Variants in CUEDC1 observed in about 807,000 individuals in gnomAD.
The protein encoded by CUEDC1 is CUE domain-containing protein 1.
Under a neutral mutation model 43.7 loss-of-function variants are expected in CUEDC1, and 30 were observed. The observed-to-expected ratio is 0.69, with a 90% CI of 0.51 to 0.93. The LOEUF (loss-of-function observed/expected upper bound fraction) is 0.93, where lower values mean the gene tolerates loss of function less well. Among genes scored for constraint, CUEDC1 ranks in the 40% least tolerant of loss-of-function variants. The pLI is 0.00. For missense variants in CUEDC1, 486 were observed against 549.0 expected (o/e 0.89, Z 1.15); for synonymous variants, 223 against 223.6 (o/e 1.00, Z 0.02).
Position 57,930,272 on chromosome 17 carries a change from G to T in CUEDC1, c.-316+24953C>A, listed in dbSNP as rs1402948216. ...TAGCAAGTCTCCAACTGCACAAGCAGACCAGAGCCAACGAGGCTGATGCTG... is the reference window on the plus strand; with the variant it reads ...TAGCAAGTCTCCAACTGCACAAGCATACCAGAGCCAACGAGGCTGATGCTG... On this transcript the variant is annotated intron_variant, in intron 1 of 10. Coordinates refer to ENST00000577830, the MANE Select transcript of CUEDC1 (RefSeq NM_001271875.2). This position sits in a 1 kb window ranked among gnomAD's most constrained non-coding sequence, Gnocchi z 4.2. 6.6e-6 allele frequency among the ~76,000 whole-genome samples: 1 copy of T among 152,198 alleles called. No homozygotes were observed. Among genetic ancestry groups the T allele is most frequent in the African/African-American group, 2.4e-5 (1 of 41,450 alleles).
At chr17:57,917,594 A>G (rs551760681) in intron 1 of CUEDC1, among the ~76,000 whole-genome samples, 37 of 152,356 alleles carry the variant, frequency 2.4e-4, no homozygotes, top group African/African-American at 8.2e-4. Flanking sequence ...CAACCATCCC[A>G]TGAGAGAGAG....
In CUEDC1 at chr17:57,872,875, T is replaced by C. The variant is rs767082108; in HGVS notation, c.592-20A>G. The C allele has an allele frequency of 2.5e-6, 4 of 1,604,742 alleles. No homozygotes were observed. Among genetic ancestry groups the C allele is most frequent in the East Asian group, 4.5e-5 (2 of 44,786 alleles). ...GTTACCCTGAGGAGGGAAGCGAGCA[T>C]GTTGAATGTGTACACACAAGGGTAC... On this transcript the variant is annotated intron_variant, in intron 4 of 10. Coordinates refer to ENST00000577830, the MANE Select transcript of CUEDC1 (RefSeq NM_001271875.2).
chr17:57,872,760 C>T lies in CUEDC1; in HGVS notation c.687G>A (p.Gln229=). ...GCGCGATCCTCTCGTCCTCCAGGTACTGCTTCCAGCGGCTCTCCTGGTCTC... is the reference window on the plus strand; with the variant it reads ...GCGCGATCCTCTCGTCCTCCAGGTATTGCTTCCAGCGGCTCTCCTGGTCTC... ...GPGDQESRWK[Q]YLEDERIALF... The change falls in exon 5 of 11, where the codon CAG becomes CAA. Residue 229 remains glutamine (Q), a synonymous_variant. Coordinates refer to ENST00000577830, the MANE Select transcript of CUEDC1 (RefSeq NM_001271875.2). The T allele has an allele frequency of 6.2e-7, 1 of 1,614,238 alleles. No individual in the cohort carries two copies. The highest frequency in any genetic ancestry group is 8.5e-7 in the Non-Finnish European group (1 of 1,180,040).
chr17:57,930,746 G>A lies in CUEDC1; in HGVS notation c.-316+24479C>T, dbSNP rs184745684. Among the ~76,000 whole-genome samples, 140 of 152,252 alleles carry A rather than the reference G, an allele frequency of 9.2e-4. 1 individual carries two copies. The highest frequency in any genetic ancestry group is 3.3e-3 in the African/African-American group (137 of 41,538). On this transcript the variant is annotated intron_variant, in intron 1 of 10. Coordinates refer to ENST00000577830, the MANE Select transcript of CUEDC1 (RefSeq NM_001271875.2). The surrounding 1 kb of genome is among the most constrained non-coding windows in gnomAD (Gnocchi z 4.2). ...AAATCTAAGAGCTGGAAGCCTGGGA[G>A]GAAGGGATGTGCTGTGGCCAACACA... is the stretch of plus-strand genomic sequence containing the variant.
intron 2 of CUEDC1, 50 bp downstream of exon 2, chr17:57,885,179 G>T: frequency 6.7e-7 from 1 of 1,499,664 alleles, no homozygotes; most frequent in Non-Finnish European, 8.9e-7. Flanking sequence ...TACCTCCGGG[G>T]GGATGCTGTC....
At chr17:57,917,955 C>G (rs991841909) in intron 1 of CUEDC1, among the ~76,000 whole-genome samples, 3 of 152,200 alleles carry the variant, frequency 2.0e-5, no homozygotes, top group Non-Finnish European at 4.4e-5. Flanking sequence ...TAGTCACTCT[C>G]CTGTTCTGGA....
Position 57,869,195 on chromosome 17 carries a change from T to C in CUEDC1, c.869-2A>G. The stretch of plus-strand genomic sequence containing the variant: ...CAGCGGGGTTGGCGTCGCCAGTTCC[T>C]GGAAGGAGACACCTGCTGAAGGCCG... On this transcript the variant is annotated splice_acceptor_variant, in intron 6 of 10. Coordinates refer to ENST00000577830, the MANE Select transcript of CUEDC1 (RefSeq NM_001271875.2). LOFTEE classifies it high-confidence loss of function. The C allele has an allele frequency of 6.2e-7, 1 of 1,613,602 alleles. No individual in the cohort carries two copies. Among genetic ancestry groups the C allele is most frequent in the Non-Finnish European group, 8.5e-7 (1 of 1,179,780 alleles).
At chr17:57,931,078 C>A (rs1265913826) in intron 1 of CUEDC1, among the ~76,000 whole-genome samples, 1 of 152,096 alleles carries the variant, frequency 6.6e-6, no homozygotes, top group Non-Finnish European at 1.5e-5. Flanking sequence ...TACTCGAGCT[C>A]AGGAGTTCGA....
At chr17:57,919,754 C>T (rs986389052) in intron 1 of CUEDC1, among the ~76,000 whole-genome samples, 1 of 152,186 alleles carries the variant, frequency 6.6e-6, no homozygotes, top group African/African-American at 2.4e-5. Flanking sequence ...CACCCAGCCT[C>T]CTTGAGCCTC....
At chr17:57,879,467 G>T in intron 3 of CUEDC1, 144 bp downstream of exon 3, 1 of 1,142,592 alleles carries the variant, frequency 8.8e-7, no homozygotes, top group Non-Finnish European at 1.2e-6. Context: ...TTGGTATCTA[G>T]CTAAAATGTC....
intron 7 of CUEDC1, 71 bp from the exon 8 acceptor site, chr17:57,868,314 G>T: frequency 1.4e-6 from 2 of 1,396,010 alleles, no homozygotes; most frequent in Non-Finnish European, 2.0e-6. Flanking sequence ...CCCAGGTGTG[G>T]GAAAGGCCAG....
rs2075044047 is a variant in CUEDC1 at position 57,955,079 on chromosome 17, G to A, written c.-316+146C>T. 6.6e-6 allele frequency: 1 copy of A among 150,764 alleles called. No individual in the cohort carries two copies. The highest frequency in any genetic ancestry group is 1.5e-5 in the Non-Finnish European group (1 of 67,522). 9.3% of individuals were successfully genotyped at this position (150,764 alleles called of 1,614,324 possible). A position where few individuals can be genotyped will look rare whatever the true frequency, so the allele number is the denominator to read the frequency against. ...CAGCCCCGGGAATCAAACTCGCGACGGCCCGGCCCTCCCGGCGGCGCCTGG... is the reference window on the plus strand; with the variant it reads ...CAGCCCCGGGAATCAAACTCGCGACAGCCCGGCCCTCCCGGCGGCGCCTGG... On this transcript the variant is annotated intron_variant, in intron 1 of 10. Transcript: ENST00000577830. The surrounding 1 kb of genome is among the most constrained non-coding windows in gnomAD (Gnocchi z 5.3).
chr17:57,882,184 G>GT (rs895709688), intron 2 of CUEDC1, among the ~76,000 whole-genome samples: 1 of 151,450 alleles, frequency 6.6e-6, no homozygotes, highest in African/African-American at 2.5e-5. Flanking sequence ...CCCCCAGAAA[G>GT]GGTTTTTTTT....
In CUEDC1 at chr17:57,868,589, C is replaced by A. The variant is rs945249524; in HGVS notation, c.941-346G>T. 3 of 372,068 alleles carry A rather than the reference C, an allele frequency of 8.1e-6. No homozygotes were observed. The Admixed American group carries it at 1.3e-4, about 16-fold the overall frequency. The allele number at this position is 372,068 out of a possible 1,614,324, so 23.0% of individuals were successfully genotyped here. ...CTTTCCCGCCGCCACCGCCTTCCCG[C>A]CCCTCCCCTAGCCACCTCCAAAGTT... On this transcript the variant is annotated intron_variant, in intron 7 of 10. Transcript: ENST00000577830.
In CUEDC1 at chr17:57,930,198, T is replaced by G. The variant is rs529456956; in HGVS notation, c.-316+25027A>C. 1.3e-5 allele frequency among the ~76,000 whole-genome samples: 2 copies of G among 152,320 alleles called. No individual in the cohort carries two copies. The highest frequency in any genetic ancestry group is 3.9e-4 in the East Asian group (2 of 5,186). On this transcript the variant is annotated intron_variant, in intron 1 of 10. Coordinates refer to ENST00000577830, the MANE Select transcript of CUEDC1 (RefSeq NM_001271875.2). The surrounding 1 kb of genome is among the most constrained non-coding windows in gnomAD (Gnocchi z 4.2). ...CAAGGTGGGGCCCGTGATTCTCCAT[T>G]TCTAACCAGGTGATGTCAGCGCTGC...
intron 1 of CUEDC1, among the ~76,000 whole-genome samples, chr17:57,935,014 C>G (rs959777331): frequency 5.3e-5 from 8 of 152,126 alleles, no homozygotes; most frequent in African/African-American, 1.9e-4. Flanking sequence ...AGCCCGTTCC[C>G]CATTTTTATA....
At chr17:57,937,696 TG>T (rs984539342) in intron 1 of CUEDC1, among the ~76,000 whole-genome samples, 5 of 151,438 alleles carry the variant, frequency 3.3e-5, no homozygotes, top group African/African-American at 9.7e-5. Context: ...TTTAGGAGAT[TG>T]GTAGGATCAC....
chr17:57,916,274 CTTGTGATGCCTGAGGCA>C (rs1349908936), intron 1 of CUEDC1, among the ~76,000 whole-genome samples: 1 of 152,262 alleles, frequency 6.6e-6, no homozygotes, highest in Non-Finnish European at 1.5e-5. Flanking sequence ...TCCCGATGGC[CTTGTGATGCCTGAGGCA>C]TGAGGGCAGG....
At chr17:57,947,843 T>C (rs1190840777) in intron 1 of CUEDC1, among the ~76,000 whole-genome samples, 1 of 152,092 alleles carries the variant, frequency 6.6e-6, no homozygotes, top group East Asian at 1.9e-4. Flanking sequence ...ACTTTTGTGC[T>C]TGGAACAATA....
Sources: gnomAD v4.1 joint callset for allele counts (sites outside exome capture counted in the v4.1 genomes callset) on GRCh38, gnomAD v4.1.1 for gene constraint, Gnocchi (gnomAD v3.1) non-coding constraint, MANE v1.5 for transcripts, NCBI Gene and HGNC (gene_info 2026-07-23, HGNC 2026-07-21) for gene names.